Variants in CIC observed in about 807,000 individuals in gnomAD.
CIC encodes capicua transcriptional repressor, also known as protein capicua homolog.
A neutral mutation model predicts 115.7 loss-of-function variants in CIC; 18 were observed. The observed-to-expected ratio is 0.16, with a 90% CI of 0.11 to 0.23. CIC has a LOEUF of 0.23. Ranked by LOEUF, CIC falls within the 10% of genes least tolerant of loss-of-function variation. The pLI, the probability that CIC is intolerant of heterozygous loss-of-function variation, is 1.00. For synonymous variants in CIC, 1,076 were observed against 923.0 expected, an observed-to-expected ratio of 1.17 and a Z score of -3.01; for missense variants, 2,000 against 2,159.3, an observed-to-expected ratio of 0.93 and a Z score of 1.46.
At position 42,290,800 on chromosome 19, in the gene CIC, C is replaced by A. The variant is rs866998158; in HGVS notation, c.4759C>A (p.Pro1587Thr). 2 of 1,609,624 alleles carry A rather than the reference C, an allele frequency of 1.2e-6. No individual in the cohort carries two copies. The highest frequency in any genetic ancestry group is 1.7e-5 in the Admixed American group (1 of 59,420). The change falls in exon 11 of 21, where the codon CCT becomes ACT. Residue 1587 changes from proline (P) to threonine (T), a missense_variant. Physicochemically the swap from Pro to Thr is conservative, Grantham distance 38. Around this residue, in one of 8 missense-constraint regions of CIC, gnomAD observed 1,466 missense variants for 1,390.4 expected, o/e 1.05. Coordinates refer to ENST00000681038, the MANE Select transcript of CIC (RefSeq NM_001386298.1). ...AATMVTNVVR[P>T]VSSTPVPIAS... ...CACCATGGTCACCAATGTGGTGCGG[C>A]CTGTCAGCAGCACTCCTGTGCCCAT... is the stretch of plus-strand genomic sequence containing the variant.
intron 2 of CIC, among the ~76,000 whole-genome samples, chr19:42,278,715 A>G (rs896713602): frequency 6.6e-6 from 1 of 152,154 alleles, no homozygotes; most frequent in African/African-American, 2.4e-5. Flanking sequence ...TTCTTTTAAG[A>G]CAGTGGGCAG....
In CIC at chr19:42,293,707, G is replaced by A. The variant is rs1323319406; in HGVS notation, c.6638G>A (p.Gly2213Asp). Residue 2213 changes from glycine (G) to aspartate (D), a missense_variant, in exon 17 of 21, where the codon GGT (glycine) becomes GAT (aspartate). By Grantham distance (94) the Gly-to-Asp change is moderately conservative (BLOSUM62 -1). Transcript: ENST00000681038. ...SPAPAPAVAP[G>D]GSSESSSGRA... ...GCCCCAGCTCCAGCTGTAGCCCCTG[G>A]TGGCAGCAGCGAGAGCAGCAGTGGG... 1.7e-5 allele frequency: 28 copies of A among 1,612,798 alleles called. No homozygotes were observed. The highest frequency in any genetic ancestry group is 2.3e-5 in the Non-Finnish European group (27 of 1,179,798).
chr19:42,283,607 C>T (rs1015903445), intron 2 of CIC, among the ~76,000 whole-genome samples: 1 of 152,138 alleles, frequency 6.6e-6, no homozygotes. Flanking sequence ...TCGCCCAGCC[C>T]TACGCGCAGT....
chr19:42,273,526 A>G lies in CIC; in HGVS notation c.1743A>G (p.Pro581=), dbSNP rs2036859843. Residue 581 remains proline, a synonymous_variant, in exon 2 of 21, where the codon CCA becomes CCG. Coordinates refer to ENST00000681038, the MANE Select transcript of CIC (RefSeq NM_001386298.1). ...TGGCGGCTCGTGGAGACTCACGGCCACGCCTGGTGGCCCCTGCTGACTTGT... is the reference window on the plus strand; with the variant it reads ...TGGCGGCTCGTGGAGACTCACGGCCGCGCCTGGTGGCCCCTGCTGACTTGT... The part of the protein sequence containing the change: ...SSVAARGDSR[P]RLVAPADLSR... 1 of 398,444 alleles carries G rather than the reference A, an allele frequency of 2.5e-6. No homozygotes were observed. Among genetic ancestry groups the G allele is most frequent in the Non-Finnish European group, 4.4e-6 (1 of 225,974 alleles). 24.7% of individuals were successfully genotyped at this position (398,444 alleles called of 1,614,324 possible). A position where few individuals can be genotyped will look rare whatever the true frequency, so the allele number is the denominator to read the frequency against.
At chr19:42,292,928 G>C in intron 15 of CIC, 28 bp from the exon 16 acceptor site, 1 of 1,613,910 alleles carries the variant, frequency 6.2e-7, no homozygotes, top group Non-Finnish European at 8.5e-7. Context: ...GTCAGGCCTG[G>C]CTCAGCAAAC....
chr19:42,295,005 T>TGCCCCC lies in CIC; in HGVS notation c.7369_7374dup (p.Ala2457_Pro2458dup). 4 of 1,542,026 alleles carry TGCCCCC rather than the reference T, an allele frequency of 2.6e-6. No individual in the cohort carries two copies. Among genetic ancestry groups the TGCCCCC allele is most frequent in the Non-Finnish European group, 3.5e-6 (4 of 1,155,022 alleles). On this transcript the variant is annotated inframe_insertion, in exon 21 of 21. Transcript: ENST00000681038. ...CCCCCACTGGCACCGCTGCTGCCCCTGCCCCCACTCCCAGCCCCGCAGGGG... is the reference window on the plus strand; with the variant it reads ...CCCCCACTGGCACCGCTGCTGCCCCTGCCCCCGCCCCCACTCCCAGCCCCGCAGGGG...
At chr19:42,275,535 G>T (rs1326932028) in intron 2 of CIC, among the ~76,000 whole-genome samples, 1 of 152,144 alleles carries the variant, frequency 6.6e-6, no homozygotes, top group South Asian at 2.1e-4. Context: ...TGAGGCTGGG[G>T]GTGGAAGAGT....
chr19:42,291,840 T>C, intron 12 of CIC, 95 bp downstream of exon 12: 1 of 1,484,308 alleles, frequency 6.7e-7, no homozygotes, highest in Non-Finnish European at 9.4e-7. Context: ...CTTCTCCATG[T>C]ATCTGGTTCT....
Position 42,273,726 on chromosome 19 carries a change from A to G in CIC, c.1943A>G (p.Asn648Ser). The G allele has an allele frequency of 2.5e-6, 1 of 398,578 alleles. No homozygotes were observed. Among genetic ancestry groups the G allele is most frequent in the East Asian group, 3.6e-5 (1 of 28,024 alleles). The allele number at this position is 398,578 out of a possible 1,614,324, so 24.7% of individuals were successfully genotyped here. A position where few individuals can be genotyped will look rare whatever the true frequency, so the allele number is the denominator to read the frequency against. Reference sequence around the variant, plus strand: ...CGCCCTGCCAACTTTAGCCCCATCAATGCCTCACCAGTCATCCAGCGCACT... The same window carrying G: ...CGCCCTGCCAACTTTAGCCCCATCAGTGCCTCACCAGTCATCCAGCGCACT... ...GFRPANFSPINASPVIQRTAV... is the reference protein window; with the variant it reads ...GFRPANFSPISASPVIQRTAV... The change falls in exon 2 of 21, where the codon AAT (asparagine) becomes AGT (serine). Residue 648 changes from asparagine (N) to serine (S), a missense_variant. Around this residue, in one of 8 missense-constraint regions of CIC, gnomAD observed 222 missense variants for 247.7 expected, o/e 0.90. Transcript: ENST00000681038.
At chr19:42,289,154 G>T (rs545593850) in intron 8 of CIC, 27 bp from the exon 9 acceptor site, 2 of 1,613,186 alleles carry the variant, frequency 1.2e-6, no homozygotes, top group South Asian at 2.2e-5. Context: ...CAGCCCCGCT[G>T]AACCCTCTCT....
chr19:42,284,608 G>T (rs1362060575), intron 2 of CIC: 9 of 763,392 alleles, frequency 1.2e-5, no homozygotes, highest in Admixed American at 3.5e-5. Flanking sequence ...GCTCCCCCCG[G>T]GCCCAAGCGG....
intron 19 of CIC, 45 bp from the exon 20 acceptor site, chr19:42,294,559 C>T (rs1568529511): frequency 7.4e-6 from 12 of 1,610,758 alleles, no homozygotes; most frequent in Non-Finnish European, 1.0e-5. Context: ...GCAGGAAGGC[C>T]CTGCCGCTGC....
chr19:42,289,812 A>G, intron 9 of CIC, 36 bp from the exon 10 acceptor site: 4 of 1,511,050 alleles, frequency 2.6e-6, no homozygotes, highest in Non-Finnish European at 3.6e-6. Context: ...CCCTGCATCT[A>G]GCCCCCTCCC....
In CIC at chr19:42,289,465, TG is replaced by T. The variant is rs1476043646; in HGVS notation, c.4087+62del. On this transcript the variant is annotated intron_variant, in intron 9 of 20. Coordinates refer to ENST00000681038, the MANE Select transcript of CIC (RefSeq NM_001386298.1). The stretch of plus-strand genomic sequence containing the variant: ...ACCCAGCAGGCCAAGGCTCAGAGGG[TG>T]GGCAGAACTTGGATCCAGGCCCCTA... 9.8e-6 allele frequency: 15 copies of T among 1,528,006 alleles called. No homozygotes were observed. In the Admixed American group the frequency reaches 2.4e-4, roughly 24 times the overall value. The allele number at this position is 1,528,006 out of a possible 1,614,324, so 94.7% of individuals were successfully genotyped here. A position where few individuals can be genotyped will look rare whatever the true frequency, so the allele number is the denominator to read the frequency against.
At chr19:42,285,206 A>G (rs1299488889) in intron 2 of CIC, among the ~76,000 whole-genome samples, 2 of 152,120 alleles carry the variant, frequency 1.3e-5, no homozygotes, top group Non-Finnish European at 2.9e-5. Context: ...TAGTTTGCAG[A>G]GAGCGCGACA....
chr19:42,286,971 C>T (rs996469352), intron 3 of CIC, 35 bp from the exon 4 acceptor site: 2 of 1,607,816 alleles, frequency 1.2e-6, no homozygotes, highest in Non-Finnish European at 1.7e-6. Context: ...GTCCAGGTGG[C>T]CTAGGAGCCC....
rs760859270 is a variant in CIC at position 42,291,461 on chromosome 19, C to G, written c.5420C>G (p.Pro1807Arg). ...ILQSVPSAPP[P>R]KAQSVSPVQA... ...CAGTCTGTACCCTCCGCCCCACCCC[C>G]CAAAGGTGAGACCTGGGCCGGGCAG... The change falls in exon 11 of 21, where the codon CCC (proline) becomes CGC (arginine). Residue 1807 changes from proline (P) to arginine (R), a missense_variant. Transcript: ENST00000681038. 5 of 1,613,142 alleles carry G rather than the reference C, an allele frequency of 3.1e-6. No individual in the cohort carries two copies. Among genetic ancestry groups the G allele is most frequent in the East Asian group, 2.2e-5 (1 of 44,880 alleles).
chr19:42,291,125 C>T lies in CIC; in HGVS notation c.5084C>T (p.Pro1695Leu), dbSNP rs1173424448. The T allele has an allele frequency of 1.9e-6, 3 of 1,609,130 alleles. No individual in the cohort carries two copies. Among genetic ancestry groups the T allele is most frequent in the East Asian group, 2.2e-5 (1 of 44,750 alleles). ...GTCCAGTTCATTGCCCAGGGGGCCC[C>T]TGGTGGTGGGACCACTGCGGGCTCA... ...PAVQFIAQGA[P>L]GGGTTAGSGA... Residue 1695 changes from proline to leucine, a missense_variant, in exon 11 of 21, where the codon CCT becomes CTT. By Grantham distance (98) the Pro-to-Leu change is moderately conservative. This residue lies in a region of CIC where 1,466 missense variants were observed against 1,390.4 expected (regional missense o/e 1.05). Coordinates refer to ENST00000681038, the MANE Select transcript of CIC (RefSeq NM_001386298.1).
At chr19:42,275,576 G>A (rs1043979738) in intron 2 of CIC, among the ~76,000 whole-genome samples, 4 of 152,126 alleles carry the variant, frequency 2.6e-5, no homozygotes, top group African/African-American at 4.8e-5. Context: ...GAACAGCCAC[G>A]GACCCAGGCT....
Sources: allele counts gnomAD v4.1 joint callset (sites outside exome capture counted in the v4.1 genomes callset), GRCh38; gene constraint gnomAD v4.1.1; regional missense constraint gnomAD v4.1.1; transcripts MANE v1.5; gene names NCBI Gene and HGNC (gene_info 2026-07-23, HGNC 2026-07-21).